The following SS18L2 variants were observed in gnomAD, a reference collection of about 807,000 sequenced individuals.
The protein encoded by SS18L2 is SS18-like protein 2.
A neutral mutation model predicts 10.3 loss-of-function variants in SS18L2; 8 were observed. The ratio of observed to expected loss-of-function variants is 0.78; its 90% CI spans 0.46 to 1.41. The LOEUF is 1.41. Ranked by LOEUF, SS18L2 falls within the 40% of genes most tolerant of loss-of-function variation. The pLI is 0.00. For synonymous variants in SS18L2, 41 were observed against 34.6 expected, an observed-to-expected ratio of 1.19 and a Z score of -0.65; for missense variants, 100 against 96.2, an observed-to-expected ratio of 1.04 and a Z score of -0.17.
At chr3:42,587,033 A>G (rs1464353134), upstream of SS18L2, among the ~76,000 whole-genome samples, 1 of 152,154 alleles carries the variant, frequency 6.6e-6, no homozygotes, top group Non-Finnish European at 1.5e-5. Flanking sequence ...GGCCTGCCAA[A>G]TCTACTTCTA....
chr3:42,587,274 G>GA (rs1704643697), upstream of SS18L2: 1 of 152,204 alleles, frequency 6.6e-6, no homozygotes, highest in Admixed American at 6.5e-5. Context: ...CTGGACACCT[G>GA]TGTCCTGCTT....
intron 1 of SS18L2, chr3:42,591,259 G>C: frequency 3.4e-6 from 2 of 586,318 alleles, no homozygotes; most frequent in Non-Finnish European, 6.0e-6. Flanking sequence ...GAGTGCAGTG[G>C]TGCATCTTGG....
upstream of SS18L2, chr3:42,590,724 T>C: frequency 1.4e-6 from 1 of 709,564 alleles, no homozygotes; most frequent in Non-Finnish European, 2.4e-6. Flanking sequence ...CCCGGCGTTC[T>C]GGGGGCTGGG....
upstream of SS18L2, among the ~76,000 whole-genome samples, chr3:42,588,731 T>C (rs867857070): frequency 2.0e-5 from 3 of 152,114 alleles, no homozygotes; most frequent in Admixed American, 6.5e-5. Flanking sequence ...TCTCATGTTA[T>C]TGTCATTCCT....
upstream of SS18L2, among the ~76,000 whole-genome samples, chr3:42,589,688 C>T (rs1704748442): frequency 6.6e-6 from 1 of 152,298 alleles, no homozygotes; most frequent in Non-Finnish European, 1.5e-5. Context: ...ATCTAGGTTG[C>T]GCGCTCCTAA....
chr3:42,587,234 G>T (rs1381416961), upstream of SS18L2, among the ~76,000 whole-genome samples: 2 of 152,088 alleles, frequency 1.3e-5, no homozygotes, highest in Admixed American at 6.6e-5. Context: ...ACCATCCATG[G>T]CTCCCATTAC....
At position 42,590,947 on chromosome 3, in the gene SS18L2, A is replaced by G. The variant is rs1464549573; in HGVS notation, c.50A>G (p.Asn17Ser). 6 of 1,581,708 alleles carry G rather than the reference A, an allele frequency of 3.8e-6. No individual in the cohort carries two copies. The highest frequency in any genetic ancestry group is 1.1e-5 in the South Asian group (1 of 90,380). The change falls in exon 1 of 3, where the codon AAT (asparagine) becomes AGT (serine). Residue 17 changes from asparagine to serine, a missense_variant. Coordinates refer to ENST00000011691, the MANE Select transcript of SS18L2 (RefSeq NM_001370300.1). ...TGGCTGAGGGGCAAGGCGGAAGTCA[A>G]TCAAGAGACTATCCAGCGGGTGAGC... ...PDWLRGKAEV[N>S]QETIQRLLEE... is the part of the protein sequence containing the mutation.
chr3:42,583,989 A>G (rs962824945), intron 1 of SS18L2, among the ~76,000 whole-genome samples: 2 of 152,196 alleles, frequency 1.3e-5, no homozygotes, highest in Non-Finnish European at 2.9e-5. Flanking sequence ...GGCCAAGTCT[A>G]AGACAGGGTA....
At chr3:42,585,871 C>T (rs752630469), upstream of SS18L2, among the ~76,000 whole-genome samples, 4 of 152,106 alleles carry the variant, frequency 2.6e-5, no homozygotes, top group Non-Finnish European at 4.4e-5. Context: ...CAAGGCAGCT[C>T]TCTCTCCAGC....
chr3:42,590,757 G>C, upstream of SS18L2: 3 of 882,426 alleles, frequency 3.4e-6, no homozygotes, highest in Admixed American at 3.5e-5. Flanking sequence ...GCTGAGTATA[G>C]CTCTTGCGCG....
intron 1 of SS18L2, among the ~76,000 whole-genome samples, chr3:42,585,313 A>C (rs1360623018): frequency 6.6e-6 from 1 of 152,190 alleles, no homozygotes; most frequent in East Asian, 1.9e-4. Context: ...CCTAGCTCTC[A>C]TCTCCAATCA....
rs760443973 is a variant in SS18L2 at position 42,591,613 on chromosome 3, C to G, written c.146+12C>G. 1.2e-6 allele frequency: 2 copies of G among 1,600,458 alleles called. 1 individual carries two copies. Among genetic ancestry groups the G allele is most frequent in the South Asian group, 2.2e-5 (2 of 90,812 alleles). Reference sequence around the variant, plus strand: ...AACGAGTGCGTGCAGTAAGTACCCCCACCCCCGCGCCCCTGACCTGTGGGT... The same window carrying G: ...AACGAGTGCGTGCAGTAAGTACCCCGACCCCCGCGCCCCTGACCTGTGGGT... On this transcript the variant is annotated intron_variant, in intron 2 of 2. Transcript: ENST00000011691.
chr3:42,596,487 C>T lies in SS18L2; in HGVS notation c.*1978C>T, dbSNP rs903286733. 2.0e-5 allele frequency among the ~76,000 whole-genome samples: 3 copies of T among 152,190 alleles called. No individual in the cohort carries two copies. The highest frequency in any genetic ancestry group is 4.4e-5 in the Non-Finnish European group (3 of 68,034). ...AAAATTCGTACTACCAGTGGTTCTT[C>T]TTCATGATAAATCATGGACAAATTA... On this transcript the variant is annotated 3_prime_UTR_variant, in exon 3 of 3. Coordinates refer to ENST00000011691, the MANE Select transcript of SS18L2 (RefSeq NM_001370300.1).
upstream of SS18L2, chr3:42,590,687 C>A: frequency 1.6e-6 from 1 of 618,886 alleles, no homozygotes; most frequent in Non-Finnish European, 2.9e-6. Flanking sequence ...CTCCAGACTG[C>A]GCAAGCGCAA....
rs377123772 is a variant in SS18L2 at position 42,591,620 on chromosome 3, G to A, written c.146+19G>A. On this transcript the variant is annotated intron_variant, in intron 2 of 2. Transcript: ENST00000011691. Reference sequence around the variant, plus strand: ...GCGTGCAGTAAGTACCCCCACCCCCGCGCCCCTGACCTGTGGGTAGAGGGG... The same window carrying A: ...GCGTGCAGTAAGTACCCCCACCCCCACGCCCCTGACCTGTGGGTAGAGGGG... 7.6e-6 allele frequency: 12 copies of A among 1,584,022 alleles called. No homozygotes were observed. The South Asian group carries it at 9.9e-5, about 13-fold the overall frequency.
chr3:42,583,004 G>A (rs1466012602), intron 1 of SS18L2, among the ~76,000 whole-genome samples: 1 of 152,198 alleles, frequency 6.6e-6, no homozygotes, highest in South Asian at 2.1e-4. Context: ...CTTAAAAATG[G>A]TTATGTACAT....
chr3:42,589,771 A>G (rs1184388308), upstream of SS18L2, among the ~76,000 whole-genome samples: 5 of 152,208 alleles, frequency 3.3e-5, no homozygotes, highest in Non-Finnish European at 4.4e-5. Flanking sequence ...CGTGGAAGAC[A>G]AGAAAAATTG....
upstream of SS18L2, among the ~76,000 whole-genome samples, chr3:42,586,564 A>G (rs1241003781): frequency 6.9e-6 from 1 of 145,502 alleles, no homozygotes; most frequent in Admixed American, 6.9e-5. Context: ...GCTGTCCTGT[A>G]TGTCCTTTTC....
At chr3:42,582,484 T>G (rs964212134) in intron 1 of SS18L2, among the ~76,000 whole-genome samples, 3 of 152,240 alleles carry the variant, frequency 2.0e-5, no homozygotes, top group African/African-American at 7.2e-5. Context: ...CACCCACAGA[T>G]GGATGACTGG....
Sources: gnomAD v4.1 joint callset for allele counts (sites outside exome capture counted in the v4.1 genomes callset) on GRCh38, gnomAD v4.1.1 for gene constraint, MANE v1.5 for transcripts, NCBI Gene and HGNC (gene_info 2026-07-23, HGNC 2026-07-21) for gene names.